ATXN7L1: variants seen among roughly 807,000 people sequenced by gnomAD.
ATXN7L1 encodes the protein ataxin 7 like 1, also known as ataxin-7-like protein 1.
In ATXN7L1, 15 loss-of-function variants were observed where a neutral mutation model predicts 70.8. That is an observed-to-expected ratio of 0.21 (90% CI 0.14 to 0.33). The LOEUF (loss-of-function observed/expected upper bound fraction) is 0.33. Among genes scored for constraint, ATXN7L1 ranks in the 10% least tolerant of loss-of-function variants. ATXN7L1 has a pLI of 1.00. For missense variants in ATXN7L1, 975 were observed against 1,097.1 expected (o/e 0.89, Z 1.57); for synonymous variants, 440 against 445.1 (o/e 0.99, Z 0.14).
chr7:105,618,161 C>T (rs764505420), intron 9 of ATXN7L1: 3 of 422,968 alleles, frequency 7.1e-6, no homozygotes, highest in African/African-American at 2.0e-5. Context: ...TACAGATCAA[C>T]ACATTCCTTC....
rs1796938410 is a variant in ATXN7L1, at chr7:105,733,637, T to TCCATCCAC, written c.355+54966_355+54967insGTGGATGG. Among the ~76,000 whole-genome samples, 7 of 83,416 alleles carry TCCATCCAC rather than the reference T, an allele frequency of 8.4e-5. 1 individual carries two copies. The highest frequency in any genetic ancestry group is 3.4e-4 in the African/African-American group (6 of 17,764). The allele number at this position is 83,416 out of a possible 152,430, so 54.7% of individuals were successfully genotyped here. On this transcript the variant is annotated intron_variant, in intron 3 of 11. Transcript: ENST00000419735. ...ATCCATCCATCCATCCATCCACCCA[T>TCCATCCAC]CCATCCATCCATCCATCCATCCATC...
chr7:105,628,256 C>T (rs1210716674), intron 7 of ATXN7L1, among the ~76,000 whole-genome samples: 1 of 151,972 alleles, frequency 6.6e-6, no homozygotes, highest in African/African-American at 2.4e-5. Context: ...AATATAATTG[C>T]AAAATATTAA....
At chr7:105,843,392 C>T (rs374396672) in intron 2 of ATXN7L1, among the ~76,000 whole-genome samples, 4 of 152,222 alleles carry the variant, frequency 2.6e-5, no homozygotes, top group Non-Finnish European at 5.9e-5. Flanking sequence ...TCAGAAAAGC[C>T]GGGGCATTAA....
At chr7:105,848,744 T>A in intron 2 of ATXN7L1, among the ~76,000 whole-genome samples, 1 of 152,196 alleles carries the variant, frequency 6.6e-6, no homozygotes, top group East Asian at 1.9e-4. Flanking sequence ...AGAAAAAGCA[T>A]CATTAAATAA....
At chr7:105,636,417 C>A (rs1165877241) in intron 7 of ATXN7L1, among the ~76,000 whole-genome samples, 1 of 148,708 alleles carries the variant, frequency 6.7e-6, no homozygotes, top group Non-Finnish European at 1.5e-5. Context: ...AAAAAAGATT[C>A]TGTTACCAAC....
chr7:105,848,260 C>A (rs1814358565), intron 2 of ATXN7L1, among the ~76,000 whole-genome samples: 1 of 152,140 alleles, frequency 6.6e-6, no homozygotes, highest in Non-Finnish European at 1.5e-5. Context: ...GTTGGGAAAA[C>A]AGCCACTCTC....
In ATXN7L1 at chr7:105,622,588, A is replaced by T. The variant is rs535301857; in HGVS notation, c.1395+1487T>A. Among the ~76,000 whole-genome samples, 3 of 152,326 alleles carry T rather than the reference A, an allele frequency of 2.0e-5. No individual in the cohort carries two copies. The South Asian group carries it at 6.2e-4, about 32-fold the overall frequency. On this transcript the variant is annotated intron_variant, in intron 8 of 11. Coordinates refer to ENST00000419735, the MANE Select transcript of ATXN7L1 (RefSeq NM_020725.2). ...AACAGAACCACACTTTTATTCTGATATCTGACACAGAGCAGTAATCAAGTG... is the reference window on the plus strand; with the variant it reads ...AACAGAACCACACTTTTATTCTGATTTCTGACACAGAGCAGTAATCAAGTG...
chr7:105,731,538 G>A (rs1365303041), intron 3 of ATXN7L1, among the ~76,000 whole-genome samples: 1 of 150,386 alleles, frequency 6.6e-6, no homozygotes. Context: ...GGGTTCAAGC[G>A]ATTCTCCTGC....
chr7:105,876,161 G>A (rs967971241), intron 1 of ATXN7L1, among the ~76,000 whole-genome samples: 2 of 152,084 alleles, frequency 1.3e-5, no homozygotes, highest in African/African-American at 4.8e-5. Flanking sequence ...GCTGCCACGG[G>A]GAGCCGGGCA....
chr7:105,773,666 A>T (rs1031149259), intron 3 of ATXN7L1, among the ~76,000 whole-genome samples: 15 of 152,122 alleles, frequency 9.9e-5, no homozygotes, highest in Admixed American at 2.6e-4. Context: ...AATCCCCCCA[A>T]TCAAAACCAA....
At chr7:105,832,408 A>T (rs547182105) in intron 2 of ATXN7L1, among the ~76,000 whole-genome samples, 5 of 152,324 alleles carry the variant, frequency 3.3e-5, no homozygotes, top group Admixed American at 6.5e-5. Context: ...TCTAGTCTTT[A>T]TTAATCTGTT....
At chr7:105,704,585 T>TCTCTCTC (rs201845167) in intron 3 of ATXN7L1, among the ~76,000 whole-genome samples, 4 of 67,040 alleles carry the variant, frequency 6.0e-5, no homozygotes, top group African/African-American at 2.2e-4. Flanking sequence ...GTTTTATCTC[T>TCTCTCTC]TTTTTTTTTT....
rs545970526 is a variant in ATXN7L1, at chr7:105,688,000, C to A, written c.356-22712G>T. ...ACCATGCTTTTTACTTAAAGAATTC[C>A]AGGAACTGGACTGAAGAGATCCAAA... On this transcript the variant is annotated intron_variant, in intron 3 of 11. Coordinates refer to ENST00000419735, the MANE Select transcript of ATXN7L1 (RefSeq NM_020725.2). 2.0e-5 allele frequency among the ~76,000 whole-genome samples: 3 copies of A among 152,280 alleles called. No homozygotes were observed. The East Asian group carries it at 5.8e-4, about 29-fold the overall frequency.
intron 3 of ATXN7L1, among the ~76,000 whole-genome samples, chr7:105,700,227 T>C (rs1792258027): frequency 6.6e-6 from 1 of 152,004 alleles, no homozygotes; most frequent in South Asian, 2.1e-4. Context: ...CAAGGGGGGC[T>C]GGGCGCGGTG....
chr7:105,760,263 G>A, intron 3 of ATXN7L1: 1 of 977,612 alleles, frequency 1.0e-6, no homozygotes, highest in Non-Finnish European at 1.2e-6. Context: ...TTTATGTATG[G>A]TTTTACAGTT....
At chr7:105,819,474 C>T in intron 2 of ATXN7L1, 2 of 761,228 alleles carry the variant, frequency 2.6e-6, no homozygotes, top group Non-Finnish European at 2.3e-6. Flanking sequence ...AGTGTCCTTT[C>T]CCAGGGGGCT....
At position 105,748,852 on chromosome 7, in the gene ATXN7L1, A is replaced by G. The variant is rs577787425; in HGVS notation, c.355+39752T>C. Among the ~76,000 whole-genome samples the G allele has an allele frequency of 2.6e-5, 4 of 152,348 alleles. No homozygotes were observed. The East Asian group carries it at 7.7e-4, about 29-fold the overall frequency. Reference sequence around the variant, plus strand: ...AGGTGGTCTCATGAGGCAGCAGGGCACACTAAAGTAAACTTTCCTTTCCTG... The same window carrying G: ...AGGTGGTCTCATGAGGCAGCAGGGCGCACTAAAGTAAACTTTCCTTTCCTG... On this transcript the variant is annotated intron_variant, in intron 3 of 11. Coordinates refer to ENST00000419735, the MANE Select transcript of ATXN7L1 (RefSeq NM_020725.2).
chr7:105,819,567 T>C (rs1563119194), intron 2 of ATXN7L1: 2 of 1,239,562 alleles, frequency 1.6e-6, no homozygotes, highest in South Asian at 2.4e-5. Context: ...CGTGGCTAAG[T>C]AGGTACTGCT....
intron 2 of ATXN7L1, among the ~76,000 whole-genome samples, chr7:105,859,305 C>A (rs1364886545): frequency 6.6e-6 from 1 of 151,886 alleles, no homozygotes; most frequent in East Asian, 1.9e-4. Flanking sequence ...CAAGGTAGCA[C>A]AATCAAGATG....
Sources: gnomAD v4.1 joint callset for allele counts (sites outside exome capture counted in the v4.1 genomes callset) on GRCh38, gnomAD v4.1.1 for gene constraint, MANE v1.5 for transcripts, NCBI Gene and HGNC (gene_info 2026-07-23, HGNC 2026-07-21) for gene names.